WDR72: variants seen among roughly 807,000 people sequenced by gnomAD.
WDR72 encodes the protein WD repeat-containing protein 72.
In WDR72, 120 loss-of-function variants were observed where a neutral mutation model predicts 124.2. That is an observed-to-expected ratio of 0.97 (90% CI 0.83 to 1.12). The LOEUF (loss-of-function observed/expected upper bound fraction) is 1.12, where lower values mean the gene tolerates loss of function less well. Among genes scored for constraint, WDR72 ranks in the 50% most tolerant of loss-of-function variants. The pLI, the probability that WDR72 is intolerant of heterozygous loss-of-function variation, is 0.00. For missense variants in WDR72, 1,387 were observed against 1,278.8 expected (o/e 1.08, Z -1.29); for synonymous variants, 452 against 441.7 (o/e 1.02, Z -0.29).
Position 53,711,396 on chromosome 15 carries a change from G to A in WDR72, c.797C>T (p.Ala266Val). Residue 266 changes from alanine (A) to valine (V), a missense_variant, in exon 8 of 20, where the codon GCT becomes GTT. By Grantham distance (64) the Ala-to-Val change is moderately conservative. Coordinates refer to ENST00000360509, the MANE Select transcript of WDR72 (RefSeq NM_182758.4). ...QFFAGGEVIA[A>V]HRILIWTEDG... ...TTCTGTCCAGATGAGGATTCTGTGA[G>A]CAGCAATCACTTCTCCACCAGCAAA... 6.2e-7 allele frequency: 1 copy of A among 1,614,100 alleles called. No individual in the cohort carries two copies. The highest frequency in any genetic ancestry group is 8.5e-7 in the Non-Finnish European group (1 of 1,180,024).
chr15:53,647,160 T>G (rs2015072427), intron 14 of WDR72, among the ~76,000 whole-genome samples: 1 of 152,172 alleles, frequency 6.6e-6, no homozygotes, highest in African/African-American at 2.4e-5. Flanking sequence ...GGAAAAGATG[T>G]GTTCAATTGT....
rs1894053499 is a variant in WDR72, at chr15:53,559,434, C to A, written c.3149-36112G>T. On this transcript the variant is annotated intron_variant, in intron 18 of 19. Transcript: ENST00000360509. ...TCCTTACAATATCTGTAGGAAAAAG[C>A]TCATTTGCAGACAGCTGCAATATGA... is the stretch of plus-strand genomic sequence containing the variant. Among the ~76,000 whole-genome samples the A allele has an allele frequency of 7.2e-5, 11 of 152,034 alleles. 1 individual carries two copies. The highest frequency in any genetic ancestry group is 7.2e-4 in the Admixed American group (11 of 15,240).
rs750670993 is a variant in WDR72, at chr15:53,705,029, G to A, written c.1307C>T (p.Ala436Val). The change falls in exon 11 of 20, where the codon GCT (alanine) becomes GTT (valine). Residue 436 changes from alanine (A) to valine (V), a missense_variant. Transcript: ENST00000360509. ...ACCTTCCAGAAGTCTTGCTTTGGCA[G>A]CATTCAAAGCCTGGGTAATGATAAT... Reference protein sequence around the residue: ...GTIIITQALNAAKARLLEGGS... With the variant: ...GTIIITQALNVAKARLLEGGS... 1 of 1,614,028 alleles carries A rather than the reference G, an allele frequency of 6.2e-7. No homozygotes were observed. The highest frequency in any genetic ancestry group is 2.2e-5 in the East Asian group (1 of 44,842).
intron 13 of WDR72, among the ~76,000 whole-genome samples, chr15:53,681,744 C>T (rs1016091856): frequency 6.6e-6 from 1 of 152,058 alleles, no homozygotes; most frequent in Non-Finnish European, 1.5e-5. Flanking sequence ...GTTCTGAAGA[C>T]ATCCTGCAAA....
Position 53,702,902 on chromosome 15 carries a change from A to ATTT in WDR72, c.1349-551_1349-549dup, listed in dbSNP as rs34689229. Among the ~76,000 whole-genome samples, 3 of 143,756 alleles carry ATTT rather than the reference A, an allele frequency of 2.1e-5. No individual in the cohort carries two copies. In the South Asian group the frequency reaches 6.7e-4, roughly 32 times the overall value. The allele number at this position is 143,756 out of a possible 152,430, so 94.3% of individuals were successfully genotyped here. On this transcript the variant is annotated intron_variant, in intron 11 of 19. Transcript: ENST00000360509. Reference sequence around the variant, plus strand: ...TTCAGAATATTACTTATTTTCATTCATTTTTTTTTTTTTTTGAGACAGGGT... The same window carrying ATTT: ...TTCAGAATATTACTTATTTTCATTCATTTTTTTTTTTTTTTTTTGAGACAGGGT...
intron 14 of WDR72, among the ~76,000 whole-genome samples, chr15:53,622,671 A>C (rs2014044303): frequency 6.6e-6 from 1 of 151,970 alleles, no homozygotes; most frequent in Admixed American, 6.6e-5. Context: ...TAGTTAATGC[A>C]TGCTGGCCTT....
intron 18 of WDR72, among the ~76,000 whole-genome samples, chr15:53,579,573 C>G (rs921295056): frequency 6.6e-6 from 1 of 152,018 alleles, no homozygotes; most frequent in Non-Finnish European, 1.5e-5. Flanking sequence ...AAGCCATTTT[C>G]AGAAAGCAGC....
chr15:53,638,270 C>T lies in WDR72; in HGVS notation c.1963-22027G>A, dbSNP rs186393701. Among the ~76,000 whole-genome samples the T allele has an allele frequency of 1.7e-4, 26 of 152,286 alleles. No homozygotes were observed. The East Asian group carries it at 4.6e-3, about 27-fold the overall frequency. ...AAAAATGTTCAACACCACAATGGGG[C>T]TATCTAAGGGCAGCTCCATCACTGC... On this transcript the variant is annotated intron_variant, in intron 14 of 19. Coordinates refer to ENST00000360509, the MANE Select transcript of WDR72 (RefSeq NM_182758.4).
chr15:53,591,811 T>A (rs1286985251), intron 18 of WDR72, among the ~76,000 whole-genome samples: 1 of 152,018 alleles, frequency 6.6e-6, no homozygotes, highest in African/African-American at 2.4e-5. Context: ...TTATTCTTAT[T>A]GTCTTTAAAC....
At chr15:53,740,498 CG>C (rs946315607) in intron 1 of WDR72, among the ~76,000 whole-genome samples, 6 of 151,948 alleles carry the variant, frequency 3.9e-5, no homozygotes, top group African/African-American at 1.5e-4. Context: ...TAGCAGAGAA[CG>C]GGGTTTCACC....
At chr15:53,580,030 T>A (rs2011831718) in intron 18 of WDR72, among the ~76,000 whole-genome samples, 1 of 151,998 alleles carries the variant, frequency 6.6e-6, no homozygotes, top group Non-Finnish European at 1.5e-5. Context: ...GGTACTACGG[T>A]AGGCTCTGCT....
At chr15:53,628,998 T>C (rs929908966) in intron 14 of WDR72, among the ~76,000 whole-genome samples, 4 of 152,120 alleles carry the variant, frequency 2.6e-5, no homozygotes, top group South Asian at 2.1e-4. Flanking sequence ...TGTCAGGCCA[T>C]TGGCGGGTGG....
At chr15:53,594,526 A>G (rs973076611) in intron 18 of WDR72, among the ~76,000 whole-genome samples, 5 of 152,044 alleles carry the variant, frequency 3.3e-5, no homozygotes, top group African/African-American at 1.2e-4. Flanking sequence ...GTCTTAGGAC[A>G]TTAGAAATAA....
At chr15:53,703,554 CTGT>C (rs2017249749) in intron 11 of WDR72, among the ~76,000 whole-genome samples, 1 of 151,784 alleles carries the variant, frequency 6.6e-6, no homozygotes, top group African/African-American at 2.4e-5. Context: ...TCGGACAAGA[CTGT>C]TGTGTGGAAT....
At chr15:53,731,248 C>T (rs936234478) in intron 2 of WDR72, among the ~76,000 whole-genome samples, 2 of 152,040 alleles carry the variant, frequency 1.3e-5, no homozygotes, top group Non-Finnish European at 2.9e-5. Context: ...CCTTACCTCT[C>T]TTTGATCCTT....
intron 13 of WDR72, among the ~76,000 whole-genome samples, chr15:53,681,905 T>C (rs1159203912): frequency 1.3e-5 from 2 of 152,130 alleles, no homozygotes; most frequent in African/African-American, 2.4e-5. Flanking sequence ...TCAAATGATG[T>C]AGAATTTTTA....
At chr15:53,554,320 C>T (rs918823127) in intron 18 of WDR72, among the ~76,000 whole-genome samples, 2 of 151,688 alleles carry the variant, frequency 1.3e-5, no homozygotes, top group South Asian at 4.2e-4. Context: ...TTGTTATTTA[C>T]CATAAATTGG....
intron 3 of WDR72, among the ~76,000 whole-genome samples, chr15:53,720,264 C>T (rs192441037): frequency 1.3e-5 from 2 of 152,276 alleles, no homozygotes; most frequent in South Asian, 2.1e-4. Flanking sequence ...AGTCAATCAA[C>T]ATCTTTACCC....
At chr15:53,608,393 ATGT>A (rs1402849356) in intron 17 of WDR72, among the ~76,000 whole-genome samples, 2 of 152,222 alleles carry the variant, frequency 1.3e-5, no homozygotes, top group Non-Finnish European at 2.9e-5. Flanking sequence ...GGAGATCATT[ATGT>A]TAAGTGAAAT....
Sources: allele counts gnomAD v4.1 joint callset (sites outside exome capture counted in the v4.1 genomes callset), GRCh38; gene constraint gnomAD v4.1.1; transcripts MANE v1.5; gene names NCBI Gene and HGNC (gene_info 2026-07-23, HGNC 2026-07-21).